Variants in STXBP5L observed in about 807,000 individuals in gnomAD.
The protein encoded by STXBP5L is syntaxin binding protein 5L.
STXBP5L carries 65 observed loss-of-function variants against 144.5 expected under a neutral mutation model. That is an observed-to-expected ratio of 0.45 (90% CI 0.37 to 0.55). The LOEUF (loss-of-function observed/expected upper bound fraction) is 0.55, where lower values mean the gene tolerates loss of function less well. STXBP5L is among the 20% of genes least tolerant of loss of function. The pLI is 0.00. For synonymous variants in STXBP5L, 505 were observed against 469.6 expected, an observed-to-expected ratio of 1.08 and a Z score of -0.97; for missense variants, 1,298 against 1,405.5, an observed-to-expected ratio of 0.92 and a Z score of 1.22.
intron 3 of STXBP5L, among the ~76,000 whole-genome samples, chr3:121,028,694 G>T (rs1946143881): frequency 6.6e-6 from 1 of 151,936 alleles, no homozygotes; most frequent in Non-Finnish European, 1.5e-5. Context: ...TAGTAGCAAA[G>T]AAAATAAAAG....
chr3:121,191,163 C>A (rs538988977), intron 9 of STXBP5L, among the ~76,000 whole-genome samples: 32 of 152,290 alleles, frequency 2.1e-4, no homozygotes, highest in Non-Finnish European at 4.0e-4. Flanking sequence ...GCTGCAATCT[C>A]GGCACTTTGG....
chr3:120,908,448 T>TGA (rs1325441699), intron 1 of STXBP5L, 114 bp downstream of exon 1: 12 of 155,874 alleles, frequency 7.7e-5, no homozygotes, highest in South Asian at 5.8e-4. Flanking sequence ...TGTGTGTGTT[T>TGA]GAGAGAGAGA....
chr3:121,198,907 C>T (rs781284004), intron 9 of STXBP5L, among the ~76,000 whole-genome samples: 1 of 151,934 alleles, frequency 6.6e-6, no homozygotes, highest in Non-Finnish European at 1.5e-5. Flanking sequence ...ATAGTGTGAA[C>T]TCAGGTAGCG....
rs183734770 is a variant in STXBP5L at position 120,961,273 on chromosome 3, T to G, written c.287+6236T>G. 3.7e-4 allele frequency among the ~76,000 whole-genome samples: 56 copies of G among 150,490 alleles called. No individual in the cohort carries two copies. The East Asian group carries it at 9.9e-3, about 27-fold the overall frequency. On this transcript the variant is annotated intron_variant, in intron 3 of 26. Transcript: ENST00000471454. ...GGCTATACTTTAGTCTTTCTTTTTT[T>G]GTTTTTTTTTTTTAATTATACTTTA...
At chr3:121,362,322 C>A (rs1397898182) in intron 20 of STXBP5L, among the ~76,000 whole-genome samples, 1 of 152,208 alleles carries the variant, frequency 6.6e-6, no homozygotes, top group African/African-American at 2.4e-5. Context: ...TCCTGGGGCT[C>A]TATGATCTGC....
At chr3:121,108,136 T>C (rs2043803827) in intron 5 of STXBP5L, among the ~76,000 whole-genome samples, 1 of 152,224 alleles carries the variant, frequency 6.6e-6, no homozygotes, top group African/African-American at 2.4e-5. Context: ...ATTTTCTATA[T>C]GTACGATTAT....
At position 121,193,649 on chromosome 3, in the gene STXBP5L, A is replaced by T. The variant is rs149555553; in HGVS notation, c.878-12274A>T. On this transcript the variant is annotated intron_variant, in intron 9 of 26. Transcript: ENST00000471454. ...ATGGAATACTATGCAGCCATAAAAA[A>T]GGATGAGTCCATTTTCCTTTGCAGG... 3.3e-5 allele frequency among the ~76,000 whole-genome samples: 5 copies of T among 152,340 alleles called. No homozygotes were observed. The South Asian group carries it at 1.0e-3, about 32-fold the overall frequency.
At chr3:120,974,174 C>T (rs1051040684) in intron 3 of STXBP5L, among the ~76,000 whole-genome samples, 14 of 152,102 alleles carry the variant, frequency 9.2e-5, no homozygotes, top group African/African-American at 3.1e-4. Flanking sequence ...TAAAAGTGTT[C>T]CTATTTCTCC....
In STXBP5L at chr3:121,333,557, A is replaced by AC. The variant is rs200025064; in HGVS notation, c.2176+15017_2176+15018insC. Among the ~76,000 whole-genome samples, 196 of 115,124 alleles carry AC rather than the reference A, an allele frequency of 1.7e-3. 1 individual carries two copies. The highest frequency in any genetic ancestry group is 0.011 in the Admixed American group (107 of 9,380). 75.5% of individuals were successfully genotyped at this position (115,124 alleles called of 152,430 possible). A position where few individuals can be genotyped will look rare whatever the true frequency, so the allele number is the denominator to read the frequency against. ...CTGAAGGAGATTGGGACACACACAC[A>AC]AAAAAAAAACATTCAAAAGATCAAT... On this transcript the variant is annotated intron_variant, in intron 20 of 26. Coordinates refer to ENST00000471454, the MANE Select transcript of STXBP5L (RefSeq NM_001308330.2).
At chr3:121,209,925 T>G (rs181077742) in intron 10 of STXBP5L, among the ~76,000 whole-genome samples, 1 of 152,344 alleles carries the variant, frequency 6.6e-6, no homozygotes, top group East Asian at 1.9e-4. Context: ...GCAGCATGAT[T>G]TATAATCCTT....
intron 5 of STXBP5L, among the ~76,000 whole-genome samples, chr3:121,106,091 C>T (rs1307853971): frequency 6.6e-6 from 1 of 152,054 alleles, no homozygotes; most frequent in Non-Finnish European, 1.5e-5. Flanking sequence ...CTTGATTTTT[C>T]TTACTGTAAT....
At chr3:121,343,205 G>C (rs2044797905) in intron 20 of STXBP5L, among the ~76,000 whole-genome samples, 1 of 151,826 alleles carries the variant, frequency 6.6e-6, no homozygotes, top group Non-Finnish European at 1.5e-5. Context: ...TTTTTTTCTT[G>C]TAAATTTGTT....
chr3:121,229,167 TAGGAAAA>T (rs1321391004), intron 11 of STXBP5L, among the ~76,000 whole-genome samples: 2 of 152,188 alleles, frequency 1.3e-5, no homozygotes, highest in Non-Finnish European at 2.9e-5. Context: ...TATATCGCTC[TAGGAAAA>T]AGATTTACCA....
chr3:121,095,317 A>T (rs2043058108), intron 5 of STXBP5L, among the ~76,000 whole-genome samples: 1 of 152,026 alleles, frequency 6.6e-6, no homozygotes, highest in Admixed American at 6.6e-5. Context: ...TATTTCCTGA[A>T]TTTGAATGTT....
intron 2 of STXBP5L, among the ~76,000 whole-genome samples, chr3:120,913,894 G>A (rs1014730462): frequency 6.6e-6 from 1 of 151,968 alleles, no homozygotes; most frequent in Non-Finnish European, 1.5e-5. Context: ...TTAAAGGAGG[G>A]AAGCTATACA....
intron 5 of STXBP5L, among the ~76,000 whole-genome samples, chr3:121,098,666 T>A (rs1433397170): frequency 6.6e-6 from 1 of 152,128 alleles, no homozygotes; most frequent in East Asian, 1.9e-4. Context: ...AATGCTAAAG[T>A]TCAAGTTTTG....
At chr3:121,175,004 A>ATTCTCCCTC (rs2046878078) in intron 9 of STXBP5L, among the ~76,000 whole-genome samples, 3 of 152,166 alleles carry the variant, frequency 2.0e-5, no homozygotes, top group African/African-American at 7.2e-5. Context: ...GGCCTGCACA[A>ATTCTCCCTC]CTACTGGAAG....
At chr3:121,251,018 T>C (rs764247364) in intron 15 of STXBP5L, among the ~76,000 whole-genome samples, 1 of 152,196 alleles carries the variant, frequency 6.6e-6, no homozygotes, top group Non-Finnish European at 1.5e-5. Flanking sequence ...ACAAGAGGCA[T>C]GATACATCAG....
At chr3:120,957,630 T>G (rs1444041087) in intron 3 of STXBP5L, among the ~76,000 whole-genome samples, 3 of 151,452 alleles carry the variant, frequency 2.0e-5, no homozygotes, top group Admixed American at 1.3e-4. Context: ...ATTAGTTCTT[T>G]AAATGTTTGG....
Sources: gnomAD v4.1 joint callset for allele counts (sites outside exome capture counted in the v4.1 genomes callset) on GRCh38, gnomAD v4.1.1 for gene constraint, MANE v1.5 for transcripts, NCBI Gene and HGNC (gene_info 2026-07-23, HGNC 2026-07-21) for gene names.